Variants in TNFSF4 observed in about 807,000 individuals in gnomAD.
The protein encoded by TNFSF4 is TNF superfamily member 4.
Under a neutral mutation model 7.3 loss-of-function variants are expected in TNFSF4, and 4 were observed. That is an observed-to-expected ratio of 0.55 (90% confidence interval 0.27 to 1.25). The LOEUF (loss-of-function observed/expected upper bound fraction) is 1.25, where lower values mean the gene tolerates loss of function less well. Ranked by LOEUF, TNFSF4 falls within the 50% of genes most tolerant of loss-of-function variation. TNFSF4 has a pLI of 0.12. For missense variants in TNFSF4, 181 were observed against 208.8 expected, an observed-to-expected ratio of 0.87 and a Z score of 0.82; for synonymous variants, 76 against 83.7, an observed-to-expected ratio of 0.91 and a Z score of 0.50.
the TNFSF4 span, among the ~76,000 whole-genome samples, chr1:173,263,089 T>C: frequency 1.8e-4 from 27 of 152,084 alleles, no homozygotes; most frequent in African/African-American, 6.0e-4. Context: ...AAGTGAAAGA[T>C]CTCTTCAAGG....
chr1:173,377,442 C>G, the TNFSF4 span, among the ~76,000 whole-genome samples: 2 of 152,146 alleles, frequency 1.3e-5, no homozygotes, highest in Non-Finnish European at 2.9e-5. Flanking sequence ...CCATTCAGCT[C>G]TGGGGTCCCG....
the TNFSF4 span, among the ~76,000 whole-genome samples, chr1:173,242,801 T>C: frequency 6.6e-6 from 1 of 152,116 alleles, no homozygotes; most frequent in Non-Finnish European, 1.5e-5. Context: ...AAGCAGAGTG[T>C]CCCCTGCAGT....
At chr1:173,327,176 C>T in the TNFSF4 span, among the ~76,000 whole-genome samples, 4 of 152,072 alleles carry the variant, frequency 2.6e-5, no homozygotes, top group Non-Finnish European at 4.4e-5. Context: ...GAGATATAGA[C>T]CAATGGAACA....
intron 1 of TNFSF4, among the ~76,000 whole-genome samples, chr1:173,206,548 A>G (rs1328231727): frequency 1.3e-5 from 2 of 152,226 alleles, no homozygotes; most frequent in Non-Finnish European, 2.9e-5. Flanking sequence ...TTGCTCCGCT[A>G]TTAATATTGA....
the TNFSF4 span, among the ~76,000 whole-genome samples, chr1:173,439,291 A>G: frequency 6.6e-6 from 1 of 152,226 alleles, no homozygotes; most frequent in South Asian, 2.1e-4. Flanking sequence ...TTATTTCATG[A>G]TCAGTCTTGT....
the TNFSF4 span, among the ~76,000 whole-genome samples, chr1:173,293,221 A>G: frequency 2.0e-5 from 3 of 152,164 alleles, no homozygotes; most frequent in East Asian, 1.9e-4. Context: ...ACTATACTAT[A>G]AGGCTACAGT....
chr1:173,201,927 A>G (rs1011212096), intron 1 of TNFSF4, among the ~76,000 whole-genome samples: 21 of 152,150 alleles, frequency 1.4e-4, no homozygotes, highest in African/African-American at 5.1e-4. Flanking sequence ...TTAAACAGTA[A>G]TAACAACACT....
At chr1:173,373,057 G>A in the TNFSF4 span, among the ~76,000 whole-genome samples, 1 of 152,066 alleles carries the variant, frequency 6.6e-6, no homozygotes. Context: ...GCCTTAGAAC[G>A]GAGAAAGGGA....
At chr1:173,252,923 C>T in the TNFSF4 span, among the ~76,000 whole-genome samples, 2 of 152,208 alleles carry the variant, frequency 1.3e-5, no homozygotes, top group Admixed American at 1.3e-4. Flanking sequence ...GGATAAGTTT[C>T]AGAACTTCCT....
chr1:173,235,288 A>G, the TNFSF4 span, among the ~76,000 whole-genome samples: 4 of 152,346 alleles, frequency 2.6e-5, no homozygotes, highest in Admixed American at 2.6e-4. Flanking sequence ...TGGAGAGAGC[A>G]GAATTAAAAG....
chr1:173,361,174 C>T, the TNFSF4 span, among the ~76,000 whole-genome samples: 1 of 152,160 alleles, frequency 6.6e-6, no homozygotes, highest in Non-Finnish European at 1.5e-5. Flanking sequence ...TGTTAAACTG[C>T]CTTTTAAAAT....
chr1:173,391,254 C>G, the TNFSF4 span, among the ~76,000 whole-genome samples: 23 of 150,832 alleles, frequency 1.5e-4, no homozygotes, highest in African/African-American at 5.1e-4. Flanking sequence ...CCCTCCTTCT[C>G]CCTCTCCATG....
At chr1:173,358,216 CA>C in the TNFSF4 span, among the ~76,000 whole-genome samples, 4 of 152,164 alleles carry the variant, frequency 2.6e-5, no homozygotes, top group African/African-American at 9.6e-5. Context: ...GCTAGAAAAA[CA>C]CAAGGAAATA....
chr1:173,219,669 TACACAC>T, the TNFSF4 span, among the ~76,000 whole-genome samples: 17 of 146,980 alleles, frequency 1.2e-4, no homozygotes, highest in African/African-American at 2.7e-4. Flanking sequence ...GAAATTGTGA[TACACAC>T]ACACACACAC....
At chr1:173,326,991 T>G in the TNFSF4 span, among the ~76,000 whole-genome samples, 3 of 152,222 alleles carry the variant, frequency 2.0e-5, no homozygotes, top group Non-Finnish European at 4.4e-5. Flanking sequence ...TACCAATGAC[T>G]TTCTTCACAG....
the TNFSF4 span, among the ~76,000 whole-genome samples, chr1:173,385,995 T>C: frequency 2.6e-5 from 4 of 152,134 alleles, no homozygotes; most frequent in African/African-American, 4.8e-5. Flanking sequence ...GATATTAGTA[T>C]GGGTGGACAG....
the TNFSF4 span, among the ~76,000 whole-genome samples, chr1:173,358,788 G>A: frequency 6.6e-6 from 1 of 152,202 alleles, no homozygotes; most frequent in Non-Finnish European, 1.5e-5. Context: ...AATGTTTGTT[G>A]AAAGAAGCCA....
At chr1:173,256,892 T>G in the TNFSF4 span, among the ~76,000 whole-genome samples, 5 of 152,252 alleles carry the variant, frequency 3.3e-5, no homozygotes, top group African/African-American at 7.2e-5. Flanking sequence ...TCATAGCTCT[T>G]CAAACACAAG....
the TNFSF4 span, among the ~76,000 whole-genome samples, chr1:173,417,119 C>T: frequency 2.6e-5 from 4 of 152,176 alleles, no homozygotes; most frequent in Non-Finnish European, 2.9e-5. Flanking sequence ...TTTGAAAATG[C>T]TCCTATAGCC....
Sources: allele counts gnomAD v4.1 joint callset (sites outside exome capture counted in the v4.1 genomes callset), GRCh38; gene constraint gnomAD v4.1.1; transcripts MANE v1.5; gene names NCBI Gene and HGNC (gene_info 2026-07-23, HGNC 2026-07-21).